Variants in LINGO2 observed in about 807,000 individuals in gnomAD.
LINGO2 encodes the protein leucine-rich repeat and immunoglobulin-like domain-containing nogo receptor-interacting protein 2.
LINGO2 carries 14 observed loss-of-function variants against 30.6 expected under a neutral mutation model. The observed-to-expected ratio is 0.46, with a 90% CI of 0.30 to 0.72. LINGO2 has a LOEUF of 0.72. Ranked by LOEUF, LINGO2 falls within the 30% of genes least tolerant of loss-of-function variation. The probability of loss-of-function intolerance (pLI) is 0.07; values close to 1 mark genes in which losing one functional copy is unlikely to be tolerated. For missense variants in LINGO2, 729 were observed against 751.7 expected (o/e 0.97, Z 0.35); for synonymous variants, 317 against 288.5 (o/e 1.10, Z -1.00).
the LINGO2 span, among the ~76,000 whole-genome samples, chr9:28,885,348 GATATAT>G: frequency 2.2e-5 from 1 of 45,152 alleles, no homozygotes; most frequent in Non-Finnish European, 7.8e-5. Context: ...GCAGCAGGGA[GATATAT>G]ATATATACAC....
At chr9:28,675,874 A>G in the LINGO2 span, among the ~76,000 whole-genome samples, 3 of 146,426 alleles carry the variant, frequency 2.0e-5, no homozygotes, top group East Asian at 6.0e-4. Flanking sequence ...CCATTTCAAA[A>G]AAAAAGAAAA....
chr9:28,689,474 C>T, the LINGO2 span, among the ~76,000 whole-genome samples: 3 of 151,980 alleles, frequency 2.0e-5, no homozygotes, highest in African/African-American at 7.2e-5. Context: ...CATCATTAAT[C>T]ATTAGAGAAA....
At position 28,041,733 on chromosome 9, in the gene LINGO2, A is replaced by G. The variant is rs16912376; in HGVS notation, c.-86-29328T>C. On this transcript the variant is annotated intron_variant, in intron 4 of 5. Coordinates refer to ENST00000379992, the Ensembl canonical transcript of LINGO2. ...CAGAGAATTATCAGTTCAGGACCAC[A>G]CATATTGTTAGCGACATATTATAAT... is the stretch of plus-strand genomic sequence containing the variant. Among the ~76,000 whole-genome samples, 911 of 152,326 alleles carry G rather than the reference A, an allele frequency of 6.0e-3. 4 individuals are homozygous for G. The highest frequency in any genetic ancestry group is 0.021 in the African/African-American group (887 of 41,584).
chr9:28,373,798 G>A (rs1564158186), intron 2 of LINGO2, among the ~76,000 whole-genome samples: 1 of 151,774 alleles, frequency 6.6e-6, no homozygotes, highest in Non-Finnish European at 1.5e-5. Flanking sequence ...TACTCGGGAG[G>A]CTGAGGCAGG....
the LINGO2 span, among the ~76,000 whole-genome samples, chr9:28,766,832 G>C: frequency 1.5e-5 from 1 of 64,790 alleles, no homozygotes; most frequent in South Asian, 4.1e-4. Context: ...GAGAGAGAAG[G>C]AGAGAAAGAG....
intron 4 of LINGO2, among the ~76,000 whole-genome samples, chr9:28,097,385 C>G (rs1216592060): frequency 6.7e-6 from 1 of 149,088 alleles, no homozygotes; most frequent in Non-Finnish European, 1.5e-5. Context: ...CACATGCACA[C>G]GTATGTTTAT....
intron 1 of LINGO2, among the ~76,000 whole-genome samples, chr9:28,516,971 A>G (rs942728143): frequency 6.6e-6 from 1 of 152,220 alleles, no homozygotes; most frequent in Non-Finnish European, 1.5e-5. Context: ...TGTCATGGGC[A>G]CATTTTGTCA....
chr9:28,863,707 C>T, the LINGO2 span: 1 of 525,346 alleles, frequency 1.9e-6, no homozygotes, highest in Non-Finnish European at 3.9e-6. Context: ...CAGCACTTCA[C>T]AGTTTGTGTA....
chr9:28,187,324 C>G (rs1309279816), intron 4 of LINGO2, among the ~76,000 whole-genome samples: 1 of 151,902 alleles, frequency 6.6e-6, no homozygotes, highest in Non-Finnish European at 1.5e-5. Context: ...AACCCCATCT[C>G]TGTTAAAATA....
At chr9:28,832,443 C>T in the LINGO2 span, among the ~76,000 whole-genome samples, 5 of 152,100 alleles carry the variant, frequency 3.3e-5, no homozygotes, top group Admixed American at 2.0e-4. Flanking sequence ...AACTCAGTTC[C>T]GTAACTCTGG....
intron 4 of LINGO2, among the ~76,000 whole-genome samples, chr9:28,180,422 A>AT (rs1323701425): frequency 6.6e-5 from 10 of 152,286 alleles, no homozygotes; most frequent in Middle Eastern, 6.8e-3. Context: ...TGTGAATGAC[A>AT]TTACATATTC....
the LINGO2 span, among the ~76,000 whole-genome samples, chr9:28,788,628 T>C: frequency 6.6e-6 from 1 of 152,112 alleles, no homozygotes; most frequent in Non-Finnish European, 1.5e-5. Context: ...AAACTTACAA[T>C]CATGGTGGAA....
At chr9:27,983,946 G>T (rs1431752271) in intron 5 of LINGO2, among the ~76,000 whole-genome samples, 1 of 151,820 alleles carries the variant, frequency 6.6e-6, no homozygotes, top group Non-Finnish European at 1.5e-5. Flanking sequence ...GCGTGGTCTT[G>T]CACAGTTCCA....
At chr9:28,283,060 G>A (rs973171787) in intron 4 of LINGO2, among the ~76,000 whole-genome samples, 3 of 152,086 alleles carry the variant, frequency 2.0e-5, no homozygotes, top group African/African-American at 7.2e-5. Flanking sequence ...CTTTGTAGAT[G>A]GAACACATAC....
In LINGO2 at chr9:28,354,834, G is replaced by A. The variant is rs1233399880; in HGVS notation, c.-246+18002C>T. ...TTAATTCACAATAAATTTGACAGGA[G>A]GTATGTTGTTGTCAGCAGCTAAGAG... On this transcript the variant is annotated intron_variant, in intron 3 of 5. Transcript: ENST00000379992. Among the ~76,000 whole-genome samples, 6 of 152,180 alleles carry A rather than the reference G, an allele frequency of 3.9e-5. No individual in the cohort carries two copies. In the East Asian group the frequency reaches 1.2e-3, roughly 29 times the overall value.
At position 28,643,814 on chromosome 9, in the gene LINGO2, A is replaced by G. The variant is rs1035989420; in HGVS notation, c.-365+26386T>C. ...ACAAGGAAACAATAACCAGAAATATATAAGGAGGTCAAACAACTCTATAGA... is the reference window on the plus strand; with the variant it reads ...ACAAGGAAACAATAACCAGAAATATGTAAGGAGGTCAAACAACTCTATAGA... On this transcript the variant is annotated intron_variant, in intron 1 of 5. Coordinates refer to ENST00000379992, the Ensembl canonical transcript of LINGO2. Among the ~76,000 whole-genome samples the G allele has an allele frequency of 2.6e-5, 4 of 152,206 alleles. No homozygotes were observed. In the South Asian group the frequency reaches 6.2e-4, roughly 24 times the overall value.
At chr9:28,477,856 C>G (rs561107449) in intron 1 of LINGO2, among the ~76,000 whole-genome samples, 6 of 152,124 alleles carry the variant, frequency 3.9e-5, no homozygotes, top group Non-Finnish European at 8.8e-5. Flanking sequence ...CTATTGTGGT[C>G]TACAACTTCT....
At chr9:28,636,747 A>G (rs2135911213) in intron 1 of LINGO2, among the ~76,000 whole-genome samples, 1 of 152,240 alleles carries the variant, frequency 6.6e-6, no homozygotes, top group African/African-American at 2.4e-5. Context: ...GTAGATTGCG[A>G]AAATTTTCTC....
chr9:29,043,723 G>A, the LINGO2 span, among the ~76,000 whole-genome samples: 1 of 151,982 alleles, frequency 6.6e-6, no homozygotes, highest in Non-Finnish European at 1.5e-5. Context: ...TATTTTTACA[G>A]ACTGACCTCC....
Sources: gnomAD v4.1 joint callset for allele counts (sites outside exome capture counted in the v4.1 genomes callset) on GRCh38, gnomAD v4.1.1 for gene constraint, MANE v1.5 for transcripts, NCBI Gene and HGNC (gene_info 2026-07-23, HGNC 2026-07-21) for gene names.